Variants in MIER2 observed in about 807,000 individuals in gnomAD.
MIER2 encodes the protein mesoderm induction early response protein 2.
A neutral mutation model predicts 67.6 loss-of-function variants in MIER2; 30 were observed. The observed-to-expected ratio is 0.44, with a 90% confidence interval of 0.33 to 0.60. The LOEUF (loss-of-function observed/expected upper bound fraction) is 0.60. MIER2 is among the 20% of genes least tolerant of loss of function. The pLI, the probability that MIER2 is intolerant of heterozygous loss-of-function variation, is 0.02. For missense variants in MIER2, 702 were observed against 745.1 expected (o/e 0.94, Z 0.67); for synonymous variants, 372 against 312.6 (o/e 1.19, Z -2.00).
Position 327,162 on chromosome 19 carries a change from G to A in MIER2, c.464C>T (p.Ala155Val). 1 of 1,591,428 alleles carries A rather than the reference G, an allele frequency of 6.3e-7. No homozygotes were observed. The highest frequency in any genetic ancestry group is 8.5e-7 in the Non-Finnish European group (1 of 1,173,832). ...ACTCCGGTTAGGGAAGAGGTCGGAG[G>A]CCTCGTGGGAGGTCACGGACGGGGT... ...DLTPSVTSHE[A>V]SDLFPNRSGS... Residue 155 changes from alanine to valine, a missense_variant, in exon 5 of 14, where the codon GCC becomes GTC. Physicochemically the swap from Ala to Val is moderately conservative, Grantham distance 64 (BLOSUM62 0). This residue lies in a region of MIER2 where 320 missense variants were observed against 292.6 expected (regional missense o/e 1.09). Transcript: ENST00000264819.
chr19:328,577 G>A (rs55891703), intron 3 of MIER2, among the ~76,000 whole-genome samples: 16,936 of 151,904 alleles, frequency 0.11, 1,156 homozygotes, highest in African/African-American at 0.17. Context: ...GCGAAATCCC[G>A]TCTCCACTAA....
chr19:306,795 C>T (rs1600101984), intron 13 of MIER2, 84 bp from the exon 14 acceptor site: 10 of 1,542,496 alleles, frequency 6.5e-6, no homozygotes, highest in Admixed American at 2.0e-5. Flanking sequence ...GCGCTGGACT[C>T]GAGACTCCCA....
At chr19:310,213 G>A (rs541743099) in intron 10 of MIER2, among the ~76,000 whole-genome samples, 46 of 152,326 alleles carry the variant, frequency 3.0e-4, no homozygotes, top group African/African-American at 8.2e-4. Context: ...TGGTGATGGC[G>A]GAAAAGACCC....
intron 1 of MIER2, chr19:343,731 T>C (rs1236016643): frequency 3.2e-6 from 2 of 617,918 alleles, no homozygotes; most frequent in African/African-American, 2.0e-5. Context: ...TCTGCCCGCC[T>C]GTCGTAACTT....
intron 7 of MIER2, among the ~76,000 whole-genome samples, chr19:317,020 G>C (rs1971264032): frequency 6.6e-6 from 1 of 152,118 alleles, no homozygotes; most frequent in South Asian, 2.1e-4. Context: ...AACCTCTAAA[G>C]CGCTAAAACT....
Position 312,235 on chromosome 19 carries a change from T to C in MIER2, c.845A>G (p.Glu282Gly). Residue 282 changes from glutamate (E) to glycine (G), a missense_variant, in exon 9 of 14, where the codon GAG (glutamate) becomes GGG (glycine). Physicochemically the swap from Glu to Gly is moderately conservative, Grantham distance 98 (BLOSUM62 -2). Coordinates refer to ENST00000264819, the MANE Select transcript of MIER2 (RefSeq NM_017550.3). ...GAACCGCAGCCTTCGCAGGGCCTCC[T>C]CCACATTGAAGTTGCATTTCACCAA... is the stretch of plus-strand genomic sequence containing the variant. ...YELVKCNFNV[E>G]EALRRLRFNV... 6.2e-7 allele frequency: 1 copy of C among 1,613,958 alleles called. No individual in the cohort carries two copies. Among genetic ancestry groups the C allele is most frequent in the South Asian group, 1.1e-5 (1 of 91,088 alleles).
chr19:317,671 C>T (rs1196275777), intron 7 of MIER2, among the ~76,000 whole-genome samples: 6 of 137,756 alleles, frequency 4.4e-5, no homozygotes, highest in Admixed American at 7.3e-5. Flanking sequence ...TGGAGGTTGC[C>T]GTGAAGTAAG....
At chr19:316,699 C>A (rs561291181) in intron 7 of MIER2, among the ~76,000 whole-genome samples, 2 of 152,156 alleles carry the variant, frequency 1.3e-5, no homozygotes, top group Admixed American at 6.5e-5. Context: ...CTGTGAGGCC[C>A]GGTGTGGTGG....
intron 1 of MIER2, among the ~76,000 whole-genome samples, chr19:337,870 CAAAAAA>C (rs34553732): frequency 2.7e-5 from 1 of 37,152 alleles, no homozygotes; most frequent in Non-Finnish European, 4.1e-5. Flanking sequence ...CTCCATCTCA[CAAAAAA>C]AAAAAAAAAA....
chr19:311,137 G>A (rs1169351614), intron 10 of MIER2, among the ~76,000 whole-genome samples: 2 of 152,250 alleles, frequency 1.3e-5, no homozygotes, highest in African/African-American at 4.8e-5. Context: ...CGAGGCAGAA[G>A]CAAGGCTCGG....
chr19:307,474 G>A lies in MIER2; in HGVS notation c.1261C>T (p.Leu421Phe), dbSNP rs777445917. Residue 421 changes from leucine (L) to phenylalanine (F), a missense_variant, in exon 13 of 14, where the codon CTC becomes TTC. Coordinates refer to ENST00000264819, the MANE Select transcript of MIER2 (RefSeq NM_017550.3). ...LDEPGVASDG[L>F]PSSEPGPCSF... ...CACGGCCCTGGCTCCGAGGACGGGA[G>A]TCCATCAGAGGCCACTCCGGGCTCA... The A allele has an allele frequency of 1.2e-5, 18 of 1,552,614 alleles. No homozygotes were observed. In the East Asian group the frequency reaches 4.1e-4, roughly 35 times the overall value.
At chr19:341,447 G>A (rs1375478758) in intron 1 of MIER2, among the ~76,000 whole-genome samples, 1 of 152,186 alleles carries the variant, frequency 6.6e-6, no homozygotes, top group Non-Finnish European at 1.5e-5. Context: ...AAGCGGCTGG[G>A]AACGGCAGAA....
intron 1 of MIER2, among the ~76,000 whole-genome samples, chr19:339,646 A>G (rs1012109730): frequency 6.6e-6 from 1 of 152,218 alleles, no homozygotes; most frequent in African/African-American, 2.4e-5. Context: ...CGGGGCAAAG[A>G]AGGACGCACT....
intron 7 of MIER2, among the ~76,000 whole-genome samples, chr19:324,204 C>T (rs564494894): frequency 1.2e-4 from 17 of 142,556 alleles, no homozygotes; most frequent in Middle Eastern, 3.6e-3. Context: ...GCAGACGACT[C>T]GAATGACACA....
In MIER2 at chr19:336,091, G is replaced by C. The variant is rs769447781; in HGVS notation, c.92C>G (p.Thr31Arg). The C allele has an allele frequency of 1.2e-6, 2 of 1,613,720 alleles. No individual in the cohort carries two copies. The highest frequency in any genetic ancestry group is 1.7e-6 in the Non-Finnish European group (2 of 1,179,740). The change falls in exon 2 of 14, where the codon ACA becomes AGA. Residue 31 changes from threonine (T) to arginine (R), a missense_variant. By Grantham distance (71) the Thr-to-Arg change is moderately conservative. Coordinates refer to ENST00000264819, the MANE Select transcript of MIER2 (RefSeq NM_017550.3). ...AGGAGGGAGGAAGGTACCTGCTGTT[G>C]TCTGCAAGCCCGGCTCCCCTGGGCA... ...SLCPGEPGLQ[T>R]TAVVSMGSGD...
intron 10 of MIER2, among the ~76,000 whole-genome samples, chr19:310,695 A>AAACACGGCCCGGAGCTATAGG (rs1600112945): frequency 1.3e-5 from 2 of 152,028 alleles, no homozygotes; most frequent in Non-Finnish European, 2.9e-5. Context: ...AGAGCTATAG[A>AAACACGGCCCGGAGCTATAGG]AACACGGCCC....
At chr19:310,867 C>T (rs947215249) in intron 10 of MIER2, among the ~76,000 whole-genome samples, 2 of 152,158 alleles carry the variant, frequency 1.3e-5, no homozygotes, top group Middle Eastern at 3.2e-3. Flanking sequence ...AAACACGGCC[C>T]GGAGCTACAG....
In MIER2 at chr19:326,532, G is replaced by A. The variant is rs1449550330; in HGVS notation, c.560C>T (p.Ser187Phe). Residue 187 changes from serine (S) to phenylalanine (F), a missense_variant, in exon 6 of 14, where the codon TCT becomes TTT. By Grantham distance (155) the Ser-to-Phe change is radical. Around this residue, in one of 3 missense-constraint regions of MIER2, gnomAD observed 320 missense variants for 292.6 expected, o/e 1.09. Transcript: ENST00000264819. ...CTTCTTACATTTGTTGGCAGGAAGA[G>A]AGTCCTCCTCGGTGTCGGAGGAGGC... Reference protein sequence around the residue: ...SSASSDTEEDSLPANKCKKEI... With the variant: ...SSASSDTEEDFLPANKCKKEI... The A allele has an allele frequency of 1.2e-6, 2 of 1,613,978 alleles. No homozygotes were observed. Among genetic ancestry groups the A allele is most frequent in the Admixed American group, 1.7e-5 (1 of 60,000 alleles).
rs758377070 is a variant in MIER2 at position 313,692 on chromosome 19, C to T, written c.656-49G>A. ...CAGCTTGCAGGAACCCAATCTGCAC[C>T]CACACACGCCAGGACAAGCAAAGCA... On this transcript the variant is annotated intron_variant, in intron 7 of 13. Transcript: ENST00000264819. 3 of 1,584,960 alleles carry T rather than the reference C, an allele frequency of 1.9e-6. No individual in the cohort carries two copies. In the South Asian group the frequency reaches 3.4e-5, roughly 18 times the overall value.
Sources: gnomAD v4.1 joint callset for allele counts (sites outside exome capture counted in the v4.1 genomes callset) on GRCh38, gnomAD v4.1.1 for gene constraint, gnomAD v4.1.1 regional missense constraint, MANE v1.5 for transcripts, NCBI Gene and HGNC (gene_info 2026-07-23, HGNC 2026-07-21) for gene names.